IGF1R: variants seen among roughly 807,000 people sequenced by gnomAD.
IGF1R encodes insulin like growth factor 1 receptor.
IGF1R carries 44 observed loss-of-function variants against 144.6 expected under a neutral mutation model. That is an observed-to-expected ratio of 0.30 (90% CI 0.24 to 0.39). The LOEUF is 0.39. Among genes scored for constraint, IGF1R ranks in the 10% least tolerant of loss-of-function variants. The probability of loss-of-function intolerance (pLI) is 1.00; values close to 1 mark genes in which losing one functional copy is unlikely to be tolerated. For synonymous variants in IGF1R, 795 were observed against 722.8 expected (o/e 1.10, Z -1.60); for missense variants, 1,355 against 1,833.7 (o/e 0.74, Z 4.77).
chr15:98,777,727 T>C (rs1346219238), intron 2 of IGF1R, among the ~76,000 whole-genome samples: 2 of 152,164 alleles, frequency 1.3e-5, no homozygotes, highest in Admixed American at 1.3e-4. Flanking sequence ...GAGAGCAGCA[T>C]TTCAGCCTGC....
chr15:98,837,900 T>C (rs1230632542), intron 2 of IGF1R, among the ~76,000 whole-genome samples: 3 of 152,248 alleles, frequency 2.0e-5, no homozygotes, highest in Admixed American at 1.3e-4. Flanking sequence ...GGCAGTCTGC[T>C]GGTTCCCAAG....
At chr15:98,912,479 A>G (rs373226166) in intron 7 of IGF1R, among the ~76,000 whole-genome samples, 4 of 152,342 alleles carry the variant, frequency 2.6e-5, no homozygotes, top group African/African-American at 9.6e-5. Flanking sequence ...GCGAAGTACT[A>G]TATTCTCTGA....
At chr15:98,726,426 A>G (rs1223972575) in intron 2 of IGF1R, among the ~76,000 whole-genome samples, 2 of 152,184 alleles carry the variant, frequency 1.3e-5, no homozygotes, top group Non-Finnish European at 2.9e-5. Flanking sequence ...GCTCTAGTCA[A>G]GAAACTTTTA....
rs779160550 is a variant in IGF1R at position 98,649,674 on chromosome 15, AAGTG to A, written c.94+3_94+6del. ...TCTCGCTCTGGCCGACGAGTGGAGA[AAGTG>A]AGTATGTGCCCGCCGCCCGCGGCCA... On this transcript the variant is annotated splice_donor_variant and splice_donor_region_variant and coding_sequence_variant and intron_variant, in exon 1 of 21. Transcript: ENST00000650285. LOFTEE classifies it high-confidence loss of function. The A allele has an allele frequency of 1.6e-5, 26 of 1,607,578 alleles. No homozygotes were observed. The highest frequency in any genetic ancestry group is 8.4e-5 in the Admixed American group (5 of 59,572).
intron 2 of IGF1R, among the ~76,000 whole-genome samples, chr15:98,847,298 G>C (rs1273583501): frequency 6.6e-6 from 1 of 152,148 alleles, no homozygotes; most frequent in African/African-American, 2.4e-5. Context: ...ACTCTTTACA[G>C]GGGGGCGTCT....
At position 98,959,930 on chromosome 15, in the gene IGF1R, T is replaced by C. The variant is rs2017158052; in HGVS notation, c.*2488T>C. The stretch of plus-strand genomic sequence containing the variant: ...GTGATAAATTACCAGTTTCAATCAC[T>C]GTAGAAAAGCCCCATTATGAATTTA... On this transcript the variant is annotated 3_prime_UTR_variant, in exon 21 of 21. Transcript: ENST00000650285. The C allele has an allele frequency of 1.3e-5, 3 of 232,804 alleles. No individual in the cohort carries two copies. The South Asian group carries it at 5.4e-4, about 42-fold the overall frequency. 14.4% of individuals were successfully genotyped at this position (232,804 alleles called of 1,614,324 possible).
At chr15:98,664,296 C>G (rs542892975) in intron 1 of IGF1R, among the ~76,000 whole-genome samples, 190 of 152,250 alleles carry the variant, frequency 1.2e-3, no homozygotes, top group African/African-American at 4.4e-3. Context: ...AATTAGAAGT[C>G]TACTGATGCA....
At chr15:98,921,128 C>G (rs193042577) in intron 10 of IGF1R, among the ~76,000 whole-genome samples, 1 of 152,310 alleles carries the variant, frequency 6.6e-6, no homozygotes, top group Admixed American at 6.5e-5. Flanking sequence ...GACCGGTGAC[C>G]CCAGCCGAAG....
chr15:98,720,684 G>A (rs977612114), intron 2 of IGF1R, among the ~76,000 whole-genome samples: 4 of 152,210 alleles, frequency 2.6e-5, no homozygotes, highest in African/African-American at 9.7e-5. Context: ...TTGAGAGCAG[G>A]AAATTCAGGT....
At chr15:98,698,705 AGCT>A (rs1451334409) in intron 1 of IGF1R, among the ~76,000 whole-genome samples, 1 of 152,224 alleles carries the variant, frequency 6.6e-6, no homozygotes, top group African/African-American at 2.4e-5. Flanking sequence ...TCCAAGAGGT[AGCT>A]GGTCTCTGAA....
chr15:98,788,062 C>CTGTGTGTGTGTGTGTGTGTG (rs59500414), intron 2 of IGF1R, among the ~76,000 whole-genome samples: 3 of 131,100 alleles, frequency 2.3e-5, no homozygotes, highest in African/African-American at 9.0e-5. Flanking sequence ...CTCTCTCTCT[C>CTGTGTGTGTGTGTGTGTGTG]TGTGTGTGTG....
At chr15:98,679,440 A>C (rs948404086) in intron 1 of IGF1R, among the ~76,000 whole-genome samples, 5 of 152,176 alleles carry the variant, frequency 3.3e-5, no homozygotes, top group African/African-American at 1.2e-4. Context: ...TGTTTTGGTC[A>C]ATGGTGGACC....
chr15:98,701,457 C>T (rs1230028686), intron 1 of IGF1R, among the ~76,000 whole-genome samples: 1 of 151,306 alleles, frequency 6.6e-6, no homozygotes, highest in East Asian at 1.9e-4. Flanking sequence ...CTGCCTCAGC[C>T]TCCCAAGTAG....
In IGF1R at chr15:98,648,702, TG is replaced by T. The variant is rs2052252468; in HGVS notation, c.-879del. Among the ~76,000 whole-genome samples, 1 of 146,590 alleles carries T rather than the reference TG, an allele frequency of 6.8e-6. No individual in the cohort carries two copies. Among genetic ancestry groups the T allele is most frequent in the Non-Finnish European group, 1.5e-5 (1 of 65,972 alleles). Reference sequence around the variant, plus strand: ...GCGAGAGGGACGCCGCCAGCGAGCCTGCCCACGGCCGGCGCTCGCAGACCCT... The same window carrying T: ...GCGAGAGGGACGCCGCCAGCGAGCCTCCCACGGCCGGCGCTCGCAGACCCT... On this transcript the variant is annotated 5_prime_UTR_variant, in exon 1 of 21. Transcript: ENST00000650285.
chr15:98,951,306 TG>T (rs1355830708), intron 20 of IGF1R, among the ~76,000 whole-genome samples: 1 of 152,234 alleles, frequency 6.6e-6, no homozygotes, highest in South Asian at 2.1e-4. Flanking sequence ...GCAGTGGCAC[TG>T]GGTTTCCTGG....
chr15:98,947,223 T>C (rs2016587461), intron 19 of IGF1R, among the ~76,000 whole-genome samples: 1 of 152,260 alleles, frequency 6.6e-6, no homozygotes, highest in South Asian at 2.1e-4. Flanking sequence ...TGGTCTGTCC[T>C]CTGATTGCTA....
rs150189319 is a variant in IGF1R at position 98,918,457 on chromosome 15, A to G, written c.2201+1581A>G. On this transcript the variant is annotated intron_variant, in intron 10 of 20. Coordinates refer to ENST00000650285, the MANE Select transcript of IGF1R (RefSeq NM_000875.5). ...TATTTGCAAAATGGTTGAAATAGCT[A>G]TCTCACTTCGAGAAATCAGTAAAGT... Among the ~76,000 whole-genome samples the G allele has an allele frequency of 8.2e-3, 1,254 of 152,212 alleles. 19 individuals are homozygous for G. Among genetic ancestry groups the G allele is most frequent in the African/African-American group, 0.023 (965 of 41,514 alleles).
chr15:98,671,882 A>G (rs1385288894), intron 1 of IGF1R, among the ~76,000 whole-genome samples: 1 of 152,184 alleles, frequency 6.6e-6, no homozygotes. Context: ...TCTTGTTTGG[A>G]CTATTTCAGT....
chr15:98,697,279 T>C (rs1466714196), intron 1 of IGF1R, among the ~76,000 whole-genome samples: 3 of 152,148 alleles, frequency 2.0e-5, no homozygotes, highest in African/African-American at 7.2e-5. Context: ...CATCAGATAG[T>C]GAGAACCTGC....
Sources: allele counts gnomAD v4.1 joint callset (sites outside exome capture counted in the v4.1 genomes callset), GRCh38; gene constraint gnomAD v4.1.1; transcripts MANE v1.5; gene names NCBI Gene and HGNC (gene_info 2026-07-23, HGNC 2026-07-21).